The following COL5A1 variants were observed in gnomAD, a reference collection of about 807,000 sequenced individuals.
COL5A1 encodes collagen type V alpha 1 chain, also known as collagen alpha-1(V) chain.
A neutral mutation model predicts 263.7 loss-of-function variants in COL5A1; 16 were observed. That is an observed-to-expected ratio of 0.06 (90% CI 0.04 to 0.09). The LOEUF (loss-of-function observed/expected upper bound fraction) is 0.09. Ranked by LOEUF, COL5A1 falls within the 10% of genes least tolerant of loss-of-function variation. COL5A1 has a pLI of 1.00. For missense variants in COL5A1, 2,036 were observed against 2,540.5 expected (o/e 0.80, Z 4.27); for synonymous variants, 1,012 against 1,004.5 (o/e 1.01, Z -0.14).
At chr9:134,663,726 G>T (rs376381334) in intron 1 of COL5A1, among the ~76,000 whole-genome samples, 10 of 152,330 alleles carry the variant, frequency 6.6e-5, no homozygotes, top group African/African-American at 2.4e-4. Flanking sequence ...ACCATCCCTA[G>T]GCCTCTGCCC....
At position 134,652,420 on chromosome 9, in the gene COL5A1, G is replaced by A. The variant is rs78521832; in HGVS notation, c.109+10124G>A. On this transcript the variant is annotated intron_variant, in intron 1 of 65. Transcript: ENST00000371817. This position sits in a 1 kb window ranked among gnomAD's most constrained non-coding sequence, Gnocchi z 4.4. ...AGAGGGGGTGGGAGGGCAGGGGAGC[G>A]ACTGTCCTGCCAGGGATGCCAGTGT... 0.015 allele frequency among the ~76,000 whole-genome samples: 2,321 copies of A among 152,036 alleles called. 58 individuals are homozygous for A. The highest frequency in any genetic ancestry group is 0.053 in the African/African-American group (2,195 of 41,342).
At chr9:134,802,453 C>T (rs1405082403) in intron 38 of COL5A1, among the ~76,000 whole-genome samples, 1 of 152,208 alleles carries the variant, frequency 6.6e-6, no homozygotes, top group Non-Finnish European at 1.5e-5. Context: ...GGAGGGGTCA[C>T]CTTGTGTCCT....
intron 10 of COL5A1, 30 bp downstream of exon 10, chr9:134,738,545 CAGA>C: frequency 6.2e-7 from 1 of 1,613,880 alleles, no homozygotes; most frequent in Non-Finnish European, 8.5e-7. Flanking sequence ...CTGTGACTTG[CAGA>C]AGGTGCTCTT....
rs538789793 is a variant in COL5A1, at chr9:134,794,582, A to G, written c.2701-500A>G. On this transcript the variant is annotated intron_variant, in intron 32 of 65. Transcript: ENST00000371817. This position sits in a 1 kb window ranked among gnomAD's most constrained non-coding sequence, Gnocchi z 4.3. Reference sequence around the variant, plus strand: ...CTCTTGGATATATGATTTATATATTAAATTCCAAGTTTGCGCGTCTGCAGA... The same window carrying G: ...CTCTTGGATATATGATTTATATATTGAATTCCAAGTTTGCGCGTCTGCAGA... 6.2e-4 allele frequency among the ~76,000 whole-genome samples: 94 copies of G among 152,358 alleles called. No individual in the cohort carries two copies. The highest frequency in any genetic ancestry group is 3.4e-3 in the Middle Eastern group (1 of 294).
intron 37 of COL5A1, among the ~76,000 whole-genome samples, chr9:134,799,737 G>A (rs1564466933): frequency 6.6e-6 from 1 of 152,116 alleles, no homozygotes; most frequent in Non-Finnish European, 1.5e-5. Context: ...GATAAATGGA[G>A]ATTGCTTTGC....
chr9:134,681,036 C>G lies in COL5A1; in HGVS notation c.110-9876C>G, dbSNP rs1214795095. 6.6e-6 allele frequency among the ~76,000 whole-genome samples: 1 copy of G among 152,184 alleles called. No individual in the cohort carries two copies. Among genetic ancestry groups the G allele is most frequent in the Non-Finnish European group, 1.5e-5 (1 of 68,032 alleles). ...CCCAGGCCCTCTGTGCATTTCCCACCCCCTGCCCCTTTGCTTTGCTCCCTG... is the reference window on the plus strand; with the variant it reads ...CCCAGGCCCTCTGTGCATTTCCCACGCCCTGCCCCTTTGCTTTGCTCCCTG... On this transcript the variant is annotated intron_variant, in intron 1 of 65. Coordinates refer to ENST00000371817, the MANE Select transcript of COL5A1 (RefSeq NM_000093.5). The surrounding 1 kb of genome is among the most constrained non-coding windows in gnomAD (Gnocchi z 4.3).
At chr9:134,769,637 T>C (rs1324041281) in intron 25 of COL5A1, among the ~76,000 whole-genome samples, 3 of 152,140 alleles carry the variant, frequency 2.0e-5, no homozygotes, top group East Asian at 3.9e-4. Flanking sequence ...GTGGTGTCCA[T>C]GGAGTATGGG....
chr9:134,798,487 GTGGCTGGC>G (rs763614087), intron 37 of COL5A1, 26 bp downstream of exon 37: 1 of 1,611,976 alleles, frequency 6.2e-7, no homozygotes, highest in Non-Finnish European at 8.5e-7. Flanking sequence ...GCTGGGGGAC[GTGGCTGGC>G]TGGCTCTCTG....
rs72774437 is a variant in COL5A1 at position 134,768,686 on chromosome 9, G to C, written c.2286+223G>C. ...TAATCAACGAGTGGCGATTGCGCGA[G>C]TAGGAATATTAGCTATTTATTAGGT... On this transcript the variant is annotated intron_variant, in intron 25 of 65. Coordinates refer to ENST00000371817, the MANE Select transcript of COL5A1 (RefSeq NM_000093.5). Among the ~76,000 whole-genome samples, 3,984 of 152,344 alleles carry C rather than the reference G, an allele frequency of 0.026. 51 individuals carry two copies. Among genetic ancestry groups the C allele is most frequent in the East Asian group, 0.052 (270 of 5,182 alleles).
chr9:134,824,246 A>G (rs1479560517), intron 61 of COL5A1, among the ~76,000 whole-genome samples: 1 of 152,214 alleles, frequency 6.6e-6, no homozygotes, highest in African/African-American at 2.4e-5. Flanking sequence ...CTAGGGCTGC[A>G]GAGGCCAGAC....
rs910616500 is a variant in COL5A1, at chr9:134,794,605, A to G, written c.2701-477A>G. ...TTAAATTCCAAGTTTGCGCGTCTGCAGAGCCTGTTGAAAATTTAATGGCTA... is the reference window on the plus strand; with the variant it reads ...TTAAATTCCAAGTTTGCGCGTCTGCGGAGCCTGTTGAAAATTTAATGGCTA... On this transcript the variant is annotated intron_variant, in intron 32 of 65. Coordinates refer to ENST00000371817, the MANE Select transcript of COL5A1 (RefSeq NM_000093.5). The surrounding 1 kb of genome is among the most constrained non-coding windows in gnomAD (Gnocchi z 4.3). 4.6e-5 allele frequency among the ~76,000 whole-genome samples: 7 copies of G among 152,256 alleles called. No homozygotes were observed. Among genetic ancestry groups the G allele is most frequent in the Non-Finnish European group, 7.3e-5 (5 of 68,048 alleles).
intron 1 of COL5A1, among the ~76,000 whole-genome samples, chr9:134,673,432 C>T (rs1832597514): frequency 6.7e-6 from 1 of 149,852 alleles, no homozygotes; most frequent in Admixed American, 6.7e-5. Flanking sequence ...TGCACTCCAG[C>T]CTGGGCAATA....
intron 1 of COL5A1, among the ~76,000 whole-genome samples, chr9:134,659,004 G>A (rs1212567565): frequency 1.3e-5 from 2 of 152,160 alleles, no homozygotes; most frequent in African/African-American, 2.4e-5. Flanking sequence ...TTATCCCGAT[G>A]GCCTCTGTGT....
intron 6 of COL5A1, 145 bp downstream of exon 6, chr9:134,728,952 G>A (rs1247358864): frequency 2.8e-6 from 3 of 1,053,754 alleles, no homozygotes; most frequent in Non-Finnish European, 4.2e-6. Flanking sequence ...GAGGGAGCCG[G>A]CTGTTGCCAT....
intron 1 of COL5A1, among the ~76,000 whole-genome samples, chr9:134,643,988 C>A (rs979738313): frequency 6.6e-6 from 1 of 152,002 alleles, no homozygotes; most frequent in East Asian, 1.9e-4. Flanking sequence ...AAGTGCGGCT[C>A]GTTGGAAGTG....
At chr9:134,728,611 G>A in intron 5 of COL5A1, 59 bp from the exon 6 acceptor site, 3 of 1,611,096 alleles carry the variant, frequency 1.9e-6, no homozygotes, top group Non-Finnish European at 2.5e-6. Context: ...AGGAAGGACA[G>A]CAGGCTGGTC....
At chr9:134,695,150 A>T (rs1833414047) in intron 2 of COL5A1, among the ~76,000 whole-genome samples, 1 of 151,980 alleles carries the variant, frequency 6.6e-6, no homozygotes, top group African/African-American at 2.4e-5. Flanking sequence ...TGTCCTCTGT[A>T]GGTGCCTTTT....
At chr9:134,762,541 G>T (rs1308349838) in intron 19 of COL5A1, among the ~76,000 whole-genome samples, 5 of 152,206 alleles carry the variant, frequency 3.3e-5, no homozygotes, top group Non-Finnish European at 7.3e-5. Flanking sequence ...CCGTCTTCAT[G>T]TGTGGAGGCG....
chr9:134,836,627 T>G (rs1312006826), intron 65 of COL5A1, among the ~76,000 whole-genome samples: 2 of 152,080 alleles, frequency 1.3e-5, no homozygotes. Flanking sequence ...CGACTGAGAG[T>G]GCAAGGCCTG....
Sources: allele counts gnomAD v4.1 joint callset (sites outside exome capture counted in the v4.1 genomes callset), GRCh38; gene constraint gnomAD v4.1.1; non-coding constraint Gnocchi (gnomAD v3.1); transcripts MANE v1.5; gene names NCBI Gene and HGNC (gene_info 2026-07-23, HGNC 2026-07-21).